CBLB: variants seen among roughly 807,000 people sequenced by gnomAD.
CBLB encodes E3 ubiquitin-protein ligase CBL-B.
Under a neutral mutation model 104.9 loss-of-function variants are expected in CBLB, and 31 were observed. The ratio of observed to expected loss-of-function variants is 0.30; its 90% CI spans 0.22 to 0.40. The LOEUF (loss-of-function observed/expected upper bound fraction) is 0.40, where lower values mean the gene tolerates loss of function less well. CBLB is among the 10% of genes least tolerant of loss of function. The pLI is 1.00. For missense variants in CBLB, 1,062 were observed against 1,214.6 expected, an observed-to-expected ratio of 0.87 and a Z score of 1.87; for synonymous variants, 440 against 422.6, an observed-to-expected ratio of 1.04 and a Z score of -0.51.
rs148330468 is a variant in CBLB at position 105,736,877 on chromosome 3, G to T, written c.1071+294C>A. Among the ~76,000 whole-genome samples, 655 of 151,862 alleles carry T rather than the reference G, an allele frequency of 4.3e-3. 4 individuals are homozygous for T. The highest frequency in any genetic ancestry group is 0.015 in the African/African-American group (620 of 41,496). Reference sequence around the variant, plus strand: ...ATATAATTATTCTAATCTTTTTTTGGTAGCTTTCTAAACTATGGCTCTCTC... The same window carrying T: ...ATATAATTATTCTAATCTTTTTTTGTTAGCTTTCTAAACTATGGCTCTCTC... On this transcript the variant is annotated intron_variant, in intron 8 of 18. Coordinates refer to ENST00000394030, the MANE Select transcript of CBLB (RefSeq NM_170662.5).
intron 3 of CBLB, among the ~76,000 whole-genome samples, chr3:105,799,856 C>G (rs1044099213): frequency 2.0e-5 from 3 of 152,076 alleles, no homozygotes; most frequent in Non-Finnish European, 4.4e-5. Context: ...ATTCTCAGCT[C>G]CTAAGGTCTC....
intron 3 of CBLB, among the ~76,000 whole-genome samples, chr3:105,821,710 T>C (rs2085891400): frequency 6.6e-6 from 1 of 152,172 alleles, no homozygotes; most frequent in Non-Finnish European, 1.5e-5. Context: ...GAAATGTTTA[T>C]AAAAACAAAA....
chr3:105,849,160 G>A (rs1161431443), intron 3 of CBLB, among the ~76,000 whole-genome samples: 2 of 152,166 alleles, frequency 1.3e-5, no homozygotes, highest in Non-Finnish European at 2.9e-5. Context: ...ACCTAGAAGT[G>A]AATGTGTCCA....
intron 13 of CBLB, 85 bp from the exon 14 acceptor site, chr3:105,685,551 G>T: frequency 9.3e-7 from 1 of 1,072,942 alleles, no homozygotes. Flanking sequence ...AGTCAAAGAA[G>T]CTACTTTATC....
intron 2 of CBLB, among the ~76,000 whole-genome samples, chr3:105,861,456 T>G (rs552655825): frequency 1.3e-5 from 2 of 152,116 alleles, no homozygotes; most frequent in African/African-American, 2.4e-5. Context: ...AACTTCTCTG[T>G]ATATTCCCTT....
At chr3:105,797,861 GA>G (rs1403405601) in intron 3 of CBLB, among the ~76,000 whole-genome samples, 1 of 152,196 alleles carries the variant, frequency 6.6e-6, no homozygotes, top group African/African-American at 2.4e-5. Context: ...CATCAAAGTA[GA>G]AAGGAGAATA....
Position 105,720,144 on chromosome 3 carries a change from C to G in CBLB, c.1310G>C (p.Ser437Thr). 6.2e-7 allele frequency: 1 copy of G among 1,613,874 alleles called. No individual in the cohort carries two copies. The highest frequency in any genetic ancestry group is 8.5e-7 in the Non-Finnish European group (1 of 1,179,846). ...DPRDEGSRCC[S>T]IIDPFGMPML... ...CGGCATGCCAAAGGGGTCAATGATG[C>G]TGCAACACCTGGAGCCTTCATCTCT... The change falls in exon 10 of 19, where the codon AGC becomes ACC. Residue 437 changes from serine to threonine, a missense_variant. Around this residue, in one of 2 missense-constraint regions of CBLB, gnomAD observed 457 missense variants for 632.0 expected, o/e 0.72. Coordinates refer to ENST00000394030, the MANE Select transcript of CBLB (RefSeq NM_170662.5).
intron 18 of CBLB, among the ~76,000 whole-genome samples, chr3:105,665,404 A>ATATAT (rs1559733767): frequency 4.6e-4 from 29 of 62,444 alleles, no homozygotes; most frequent in African/African-American, 9.6e-4. Flanking sequence ...TAAATAAATA[A>ATATAT]ATAAATAAAT....
At chr3:105,859,422 C>T (rs868843052) in intron 2 of CBLB, among the ~76,000 whole-genome samples, 1 of 152,084 alleles carries the variant, frequency 6.6e-6, no homozygotes, top group Non-Finnish European at 1.5e-5. Context: ...GAGGCCGAGG[C>T]GAGCGGATCA....
chr3:105,727,075 G>A (rs2073749994), intron 9 of CBLB, among the ~76,000 whole-genome samples: 1 of 152,068 alleles, frequency 6.6e-6, no homozygotes, highest in African/African-American at 2.4e-5. Flanking sequence ...CCCAGTAATG[G>A]GATTGCTGGG....
chr3:105,789,086 T>C (rs1577207542), intron 3 of CBLB, among the ~76,000 whole-genome samples: 1 of 152,170 alleles, frequency 6.6e-6, no homozygotes, highest in East Asian at 1.9e-4. Flanking sequence ...AAATAATAAT[T>C]GCTGTTAAAT....
chr3:105,818,886 GATTA>G (rs143227455), intron 3 of CBLB, among the ~76,000 whole-genome samples: 18,944 of 151,894 alleles, frequency 0.12, 1,392 homozygotes, highest in East Asian at 0.4. Flanking sequence ...TAGAGATTTA[GATTA>G]ATTTGTAAAA....
At chr3:105,794,082 T>A (rs1357895998) in intron 3 of CBLB, among the ~76,000 whole-genome samples, 1 of 152,224 alleles carries the variant, frequency 6.6e-6, no homozygotes, top group Non-Finnish European at 1.5e-5. Context: ...GATGCCCATC[T>A]GACTCAATGA....
chr3:105,868,265 A>C lies in CBLB; in HGVS notation c.-15+471T>G, dbSNP rs527731673. 417 of 1,226,104 alleles carry C rather than the reference A, an allele frequency of 3.4e-4. 1 individual carries two copies. Among genetic ancestry groups the C allele is most frequent in the Middle Eastern group, 1.3e-3 (4 of 3,186 alleles). 76.0% of individuals were successfully genotyped at this position (1,226,104 alleles called of 1,614,324 possible). ...TGAAAAGAGAAAAGAGAAAAATGAC[A>C]AGAGCGGCCACGGAAAGGAGGAGTT... is the stretch of plus-strand genomic sequence containing the variant. On this transcript the variant is annotated intron_variant, in intron 1 of 18. Coordinates refer to ENST00000394030, the MANE Select transcript of CBLB (RefSeq NM_170662.5).
intron 4 of CBLB, among the ~76,000 whole-genome samples, chr3:105,764,948 T>C (rs2078055035): frequency 6.6e-6 from 1 of 152,192 alleles, no homozygotes; most frequent in Non-Finnish European, 1.5e-5. Flanking sequence ...CTCGCTTCAA[T>C]TCTGTGAAGG....
At chr3:105,690,700 T>C (rs943721317) in intron 13 of CBLB, among the ~76,000 whole-genome samples, 3 of 151,590 alleles carry the variant, frequency 2.0e-5, no homozygotes, top group African/African-American at 7.3e-5. Flanking sequence ...CGGACGACTA[T>C]AGTCCCAGCT....
intron 17 of CBLB, among the ~76,000 whole-genome samples, chr3:105,678,195 A>T (rs1276920015): frequency 6.6e-6 from 1 of 152,202 alleles, no homozygotes; most frequent in African/African-American, 2.4e-5. Flanking sequence ...GACAATCTCT[A>T]CAGCATCATT....
chr3:105,678,218 C>T (rs1217179240), intron 17 of CBLB, among the ~76,000 whole-genome samples: 1 of 152,108 alleles, frequency 6.6e-6, no homozygotes, highest in Non-Finnish European at 1.5e-5. Context: ...TACTGTAGTT[C>T]CTTATTGCTC....
At chr3:105,863,570 G>C (rs778419698) in intron 2 of CBLB, among the ~76,000 whole-genome samples, 35 of 152,148 alleles carry the variant, frequency 2.3e-4, no homozygotes, top group Admixed American at 7.2e-4. Context: ...GCTTAGAAAA[G>C]AAAGTTGACT....
Sources: allele counts gnomAD v4.1 joint callset (sites outside exome capture counted in the v4.1 genomes callset), GRCh38; gene constraint gnomAD v4.1.1; regional missense constraint gnomAD v4.1.1; transcripts MANE v1.5; gene names NCBI Gene and HGNC (gene_info 2026-07-23, HGNC 2026-07-21).